The following TUBGCP5 variants were observed in gnomAD, a reference collection of about 807,000 sequenced individuals.
The protein encoded by TUBGCP5 is tubulin gamma complex component 5.
A neutral mutation model predicts 134.7 loss-of-function variants in TUBGCP5; 98 were observed. The observed-to-expected ratio is 0.73, with a 90% CI of 0.62 to 0.86. The LOEUF (loss-of-function observed/expected upper bound fraction) is 0.86. Ranked by LOEUF, TUBGCP5 falls within the 40% of genes least tolerant of loss-of-function variation. TUBGCP5 has a pLI of 0.00. For missense variants in TUBGCP5, 1,150 were observed against 1,244.8 expected (o/e 0.92, Z 1.15); for synonymous variants, 456 against 431.4 (o/e 1.06, Z -0.71).
intron 21 of TUBGCP5, among the ~76,000 whole-genome samples, chr15:23,002,709 G>A (rs888429309): frequency 1.3e-5 from 2 of 152,148 alleles, no homozygotes; most frequent in African/African-American, 2.4e-5. Context: ...GCTGAAGCAG[G>A]TGCCATCACG....
chr15:23,031,220 TATA>T (rs2066290966), intron 5 of TUBGCP5, among the ~76,000 whole-genome samples, 200 bp from the exon 6 acceptor site: 1 of 152,204 alleles, frequency 6.6e-6, no homozygotes, highest in Non-Finnish European at 1.5e-5. Flanking sequence ...TCTTTTTTTC[TATA>T]ATGTTGAAAT....
intron 13 of TUBGCP5, among the ~76,000 whole-genome samples, chr15:23,011,858 G>A (rs2065051970): frequency 6.7e-6 from 1 of 148,668 alleles, no homozygotes; most frequent in African/African-American, 2.4e-5. Flanking sequence ...GCTCATGCCT[G>A]TAATCCCAGC....
At chr15:23,016,969 G>GAGATATATATATATATATAT (rs1555439437) in intron 13 of TUBGCP5, among the ~76,000 whole-genome samples, 3 of 109,394 alleles carry the variant, frequency 2.7e-5, no homozygotes, top group Middle Eastern at 4.1e-3. Context: ...AAAATTGTGA[G>GAGATATATATATATATATAT]ATATATATAT....
intron 18 of TUBGCP5, 103 bp downstream of exon 18, chr15:23,005,949 T>TTA: frequency 7.7e-7 from 1 of 1,292,930 alleles, no homozygotes; most frequent in Non-Finnish European, 1.0e-6. Context: ...CCAACTTTTT[T>TTA]TTTTTTTCCA....
chr15:23,015,445 C>T (rs2065257565), intron 13 of TUBGCP5, among the ~76,000 whole-genome samples: 1 of 149,754 alleles, frequency 6.7e-6, no homozygotes, highest in African/African-American at 2.5e-5. Context: ...AGTTTGAGAT[C>T]AGCCTCACCA....
chr15:23,037,478 G>A (rs1213503892), intron 1 of TUBGCP5, among the ~76,000 whole-genome samples: 2 of 151,966 alleles, frequency 1.3e-5, no homozygotes, highest in South Asian at 4.1e-4. Context: ...TTATGCCATA[G>A]TGAGGCCCGG....
intron 18 of TUBGCP5, 157 bp downstream of exon 18, chr15:23,005,895 A>T (rs2140431212): frequency 1.3e-6 from 1 of 787,546 alleles, no homozygotes; most frequent in East Asian, 2.7e-5. Flanking sequence ...TAGAATACGC[A>T]CCATTTTGGC....
chr15:23,031,795 G>A (rs952102618), intron 5 of TUBGCP5, among the ~76,000 whole-genome samples, 155 bp downstream of exon 5: 1 of 152,060 alleles, frequency 6.6e-6, no homozygotes, highest in Middle Eastern at 3.2e-3. Flanking sequence ...GATTTGGTGC[G>A]AAATCCTAAT....
intron 11 of TUBGCP5, among the ~76,000 whole-genome samples, chr15:23,019,752 G>A (rs186482257): frequency 1.3e-5 from 2 of 151,564 alleles, no homozygotes; most frequent in Admixed American, 1.3e-4. Flanking sequence ...AGCCAAGATC[G>A]TGCCACTACA....
In TUBGCP5 at chr15:23,008,786, CTTATT is replaced by C. The variant is rs769966113; in HGVS notation, c.2235_2239del (p.Ile746ArgfsTer12). 1.1e-5 allele frequency: 17 copies of C among 1,604,472 alleles called. No individual in the cohort carries two copies. The highest frequency in any genetic ancestry group is 5.4e-5 in the African/African-American group (4 of 74,194). ...CACATTCTGCCATGTTTCCTTTTCT[CTTATT>C]TTATCAAAAATTGACGTGTAGAAGT... is the stretch of plus-strand genomic sequence containing the variant. On this transcript the variant is annotated frameshift_variant, in exon 16 of 23. Coordinates refer to ENST00000615383, the MANE Select transcript of TUBGCP5 (RefSeq NM_052903.6). LOFTEE classifies it high-confidence loss of function.
At chr15:23,002,514 T>G (rs1455451395) in intron 21 of TUBGCP5, among the ~76,000 whole-genome samples, 2 of 152,234 alleles carry the variant, frequency 1.3e-5, no homozygotes, top group Admixed American at 6.5e-5. Flanking sequence ...CCTGATTCAG[T>G]GCACTTGCCT....
intron 13 of TUBGCP5, among the ~76,000 whole-genome samples, chr15:23,015,148 A>C (rs1335062897): frequency 6.6e-6 from 1 of 151,980 alleles, no homozygotes; most frequent in African/African-American, 2.4e-5. Context: ...ACAGTGGTAT[A>C]ATCTTGGCTC....
chr15:22,983,862 C>G (rs2063603128), intron 23 of TUBGCP5, among the ~76,000 whole-genome samples: 1 of 152,124 alleles, frequency 6.6e-6, no homozygotes, highest in Non-Finnish European at 1.5e-5. Flanking sequence ...GTGGCTCATG[C>G]CTGTAATCCC....
downstream of TUBGCP5, among the ~76,000 whole-genome samples, chr15:22,997,702 C>T (rs771866812): frequency 1.3e-4 from 19 of 151,372 alleles, no homozygotes; most frequent in African/African-American, 3.2e-4. Context: ...CTGCAACCTC[C>T]GGCCACCCAG....
chr15:23,017,891 G>T lies in TUBGCP5; in HGVS notation c.1638C>A (p.His546Gln). ...CAGGTTTGAGGAAGGACACCATGGT[G>T]TGCTGCCTGCTGGAGGGCCCCTGGT... is the stretch of plus-strand genomic sequence containing the variant. ...GSDQGPSSRQ[H>Q]TMVSFLKPVL... Residue 546 changes from histidine (H) to glutamine (Q), a missense_variant, in exon 13 of 23, where the codon CAC becomes CAA. By Grantham distance (24) the His-to-Gln change is conservative. Transcript: ENST00000615383. 1 of 1,614,136 alleles carries T rather than the reference G, an allele frequency of 6.2e-7. No individual in the cohort carries two copies. Among genetic ancestry groups the T allele is most frequent in the Non-Finnish European group, 8.5e-7 (1 of 1,180,004 alleles).
Position 23,011,180 on chromosome 15 carries a change from A to C in TUBGCP5, c.1908T>G (p.Leu636=). ...GTGGATCATGAACATCATCCAGTTCAAGATGGCTTTCAGCAATGGACTGCA... is the reference window on the plus strand; with the variant it reads ...GTGGATCATGAACATCATCCAGTTCCAGATGGCTTTCAGCAATGGACTGCA... ...MKMQSIAESH[L]ELDDVHDPLL... is the part of the protein sequence containing the mutation. The change falls in exon 14 of 23, where the codon CTT becomes CTG. Residue 636 remains leucine (L), a synonymous_variant. Transcript: ENST00000615383. 1 of 1,614,022 alleles carries C rather than the reference A, an allele frequency of 6.2e-7. No homozygotes were observed. Among genetic ancestry groups the C allele is most frequent in the Non-Finnish European group, 8.5e-7 (1 of 1,180,008 alleles).
chr15:22,987,756 C>T (rs7173353), intron 23 of TUBGCP5, among the ~76,000 whole-genome samples: 2,869 of 151,466 alleles, frequency 0.019, 109 homozygotes, highest in East Asian at 0.11. Context: ...ATTAGCCGGG[C>T]GTGGTGGCGG....
At chr15:22,987,895 CAAAAAAAAAAAAA>C (rs869168765) in intron 23 of TUBGCP5, among the ~76,000 whole-genome samples, 6 of 20,492 alleles carry the variant, frequency 2.9e-4, no homozygotes, top group South Asian at 2.3e-3. Context: ...GACTCCATCT[CAAAAAAAAAAAAA>C]AAAAAAAAAA....
intron 23 of TUBGCP5, among the ~76,000 whole-genome samples, chr15:22,985,552 C>T (rs1181206605): frequency 2.0e-5 from 3 of 151,916 alleles, no homozygotes; most frequent in East Asian, 3.9e-4. Context: ...TATTTATAAT[C>T]GCAAAAAACT....
Sources: allele counts gnomAD v4.1 joint callset (sites outside exome capture counted in the v4.1 genomes callset), GRCh38; gene constraint gnomAD v4.1.1; transcripts MANE v1.5; gene names NCBI Gene and HGNC (gene_info 2026-07-23, HGNC 2026-07-21).